The following ARL15 variants were observed in gnomAD, a reference collection of about 807,000 sequenced individuals.
ARL15 encodes the protein ADP-ribosylation factor-like protein 15.
ARL15 carries 19 observed loss-of-function variants against 25.2 expected under a neutral mutation model. The ratio of observed to expected loss-of-function variants is 0.75; its 90% CI spans 0.53 to 1.10. The LOEUF (loss-of-function observed/expected upper bound fraction) is 1.10. Ranked by LOEUF, ARL15 falls within the 50% of genes least tolerant of loss-of-function variation. The pLI is 0.00. For missense variants in ARL15, 220 were observed against 246.0 expected (o/e 0.89, Z 0.71); for synonymous variants, 94 against 86.8 (o/e 1.08, Z -0.46).
At chr5:54,290,499 G>A (rs1362264929) in intron 1 of ARL15, among the ~76,000 whole-genome samples, 1 of 151,814 alleles carries the variant, frequency 6.6e-6, no homozygotes, top group Non-Finnish European at 1.5e-5. Context: ...GTAGAGACGG[G>A]GTTTCACCAT....
chr5:54,083,403 A>T (rs1160101801), intron 4 of ARL15, among the ~76,000 whole-genome samples: 1 of 151,136 alleles, frequency 6.6e-6, no homozygotes, highest in African/African-American at 2.5e-5. Flanking sequence ...TATTCTATGC[A>T]ATAGGGATTG....
chr5:54,058,069 G>A (rs543291193), intron 4 of ARL15, among the ~76,000 whole-genome samples: 76 of 150,732 alleles, frequency 5.0e-4, no homozygotes, highest in Non-Finnish European at 7.4e-4. Flanking sequence ...GCAACAGCGC[G>A]ATCTCGGCTC....
chr5:54,188,978 C>G lies in ARL15; in HGVS notation c.49-17050G>C, dbSNP rs539278360. 3.3e-5 allele frequency among the ~76,000 whole-genome samples: 5 copies of G among 152,228 alleles called. No homozygotes were observed. In the East Asian group the frequency reaches 9.6e-4, roughly 29 times the overall value. On this transcript the variant is annotated intron_variant, in intron 1 of 4. Coordinates refer to ENST00000504924, the MANE Select transcript of ARL15 (RefSeq NM_019087.3). ...GTTTTCTACATACAGGTTCATGTCA[C>G]TGGCAAAGTCAATGTGCAAAAATCA...
intron 4 of ARL15, among the ~76,000 whole-genome samples, chr5:53,996,754 T>C (rs1320387290): frequency 1.3e-5 from 2 of 152,094 alleles, no homozygotes; most frequent in Non-Finnish European, 2.9e-5. Flanking sequence ...GAAAGTCCCC[T>C]AGGTAGGAAT....
intron 1 of ARL15, among the ~76,000 whole-genome samples, chr5:54,272,944 C>T (rs1330107446): frequency 6.6e-6 from 1 of 152,060 alleles, no homozygotes; most frequent in African/African-American, 2.4e-5. Context: ...CTGGCTGGAC[C>T]ACATGAAAGT....
At chr5:54,041,479 T>G (rs1750340911) in intron 4 of ARL15, among the ~76,000 whole-genome samples, 1 of 152,208 alleles carries the variant, frequency 6.6e-6, no homozygotes, top group East Asian at 1.9e-4. Context: ...GTGACCCTTA[T>G]GGTTAAGCTA....
At chr5:53,938,908 C>T (rs1337166186) in intron 4 of ARL15, among the ~76,000 whole-genome samples, 1 of 152,206 alleles carries the variant, frequency 6.6e-6, no homozygotes, top group African/African-American at 2.4e-5. Flanking sequence ...ACTTGGCAGT[C>T]TGGCCATATT....
chr5:54,118,467 T>C (rs986703095), intron 3 of ARL15, among the ~76,000 whole-genome samples: 1 of 152,212 alleles, frequency 6.6e-6, no homozygotes, highest in Non-Finnish European at 1.5e-5. Context: ...ATGAGCTTAT[T>C]ATTCTTTTAT....
chr5:54,016,945 A>T (rs2111816985), intron 4 of ARL15, among the ~76,000 whole-genome samples: 1 of 152,368 alleles, frequency 6.6e-6, no homozygotes, highest in Admixed American at 6.5e-5. Flanking sequence ...TGGAAAGACC[A>T]ACTCTGTAAA....
chr5:53,983,636 A>G lies in ARL15; in HGVS notation c.463-96923T>C, dbSNP rs549413627. Among the ~76,000 whole-genome samples the G allele has an allele frequency of 1.1e-4, 16 of 152,262 alleles. No homozygotes were observed. In the South Asian group the frequency reaches 3.3e-3, roughly 32 times the overall value. ...AATTGTAAATTGGTCTACTTTCTTT[A>G]ATCTGGGAGTAGCAGCAAATCATTT... On this transcript the variant is annotated intron_variant, in intron 4 of 4. Transcript: ENST00000504924.
chr5:53,978,045 C>T (rs1274762579), intron 4 of ARL15, among the ~76,000 whole-genome samples: 1 of 152,118 alleles, frequency 6.6e-6, no homozygotes, highest in Non-Finnish European at 1.5e-5. Context: ...GTTTTAGTCT[C>T]CAGCTAACAC....
chr5:53,962,612 T>A (rs1561167479), intron 4 of ARL15, among the ~76,000 whole-genome samples: 1 of 152,160 alleles, frequency 6.6e-6, no homozygotes, highest in Non-Finnish European at 1.5e-5. Context: ...CAAGGATTGA[T>A]CAGAAATATA....
At chr5:54,131,589 C>T (rs561131476) in intron 3 of ARL15, among the ~76,000 whole-genome samples, 1 of 152,210 alleles carries the variant, frequency 6.6e-6, no homozygotes, top group East Asian at 1.9e-4. Context: ...CTATTTTGTA[C>T]CATTGTTACT....
At chr5:54,132,867 C>G (rs370508813) in intron 3 of ARL15, among the ~76,000 whole-genome samples, 2 of 152,134 alleles carry the variant, frequency 1.3e-5, no homozygotes, top group South Asian at 2.1e-4. Context: ...TTTACTGCAA[C>G]CTGTTTTATT....
At chr5:54,105,941 G>GA (rs1752577678) in intron 4 of ARL15, among the ~76,000 whole-genome samples, 1 of 151,908 alleles carries the variant, frequency 6.6e-6, no homozygotes, top group Non-Finnish European at 1.5e-5. Flanking sequence ...ATCTAAACAG[G>GA]AAAAAAATAG....
chr5:54,237,818 G>A (rs1756850123), intron 1 of ARL15, among the ~76,000 whole-genome samples: 2 of 152,066 alleles, frequency 1.3e-5, no homozygotes, highest in African/African-American at 2.4e-5. Flanking sequence ...TCGTATCTAC[G>A]GTTAATGTAG....
intron 1 of ARL15, among the ~76,000 whole-genome samples, chr5:54,188,054 C>G (rs1240191754): frequency 6.6e-6 from 1 of 152,132 alleles, no homozygotes; most frequent in Non-Finnish European, 1.5e-5. Context: ...TACAATCCCT[C>G]AAGTCTCCCT....
intron 4 of ARL15, among the ~76,000 whole-genome samples, chr5:53,985,129 C>T (rs879728334): frequency 6.6e-6 from 1 of 152,096 alleles, no homozygotes; most frequent in Admixed American, 6.6e-5. Context: ...AAATGTTGTA[C>T]TCACAATACC....
intron 4 of ARL15, among the ~76,000 whole-genome samples, chr5:53,937,018 T>A (rs1049901593): frequency 1.3e-5 from 2 of 151,740 alleles, no homozygotes; most frequent in Non-Finnish European, 2.9e-5. Flanking sequence ...TTGGAAAAAA[T>A]CAACAGAAAA....
Sources: gnomAD v4.1 joint callset for allele counts (sites outside exome capture counted in the v4.1 genomes callset) on GRCh38, gnomAD v4.1.1 for gene constraint, MANE v1.5 for transcripts, NCBI Gene and HGNC (gene_info 2026-07-23, HGNC 2026-07-21) for gene names.